Variants in FOXP2 observed in about 807,000 individuals in gnomAD.
The protein encoded by FOXP2 is forkhead box P2, also known as forkhead box protein P2.
FOXP2 carries 12 observed loss-of-function variants against 115.8 expected under a neutral mutation model. The ratio of observed to expected loss-of-function variants is 0.10; its 90% confidence interval spans 0.07 to 0.17. FOXP2 has a LOEUF of 0.17. FOXP2 is among the 10% of genes least tolerant of loss of function. The pLI is 1.00. For synonymous variants in FOXP2, 328 were observed against 297.7 expected, an observed-to-expected ratio of 1.10 and a Z score of -1.05; for missense variants, 629 against 843.5, an observed-to-expected ratio of 0.75 and a Z score of 3.15.
At chr7:114,528,466 T>C in intron 2 of FOXP2, among the ~76,000 whole-genome samples, 1 of 152,184 alleles carries the variant, frequency 6.6e-6, no homozygotes, top group East Asian at 1.9e-4. Context: ...TCCACAAGTG[T>C]GCAGTGCTTT....
At chr7:114,142,631 A>G (rs908986778) in intron 1 of FOXP2, among the ~76,000 whole-genome samples, 6 of 152,080 alleles carry the variant, frequency 3.9e-5, no homozygotes, top group African/African-American at 1.4e-4. Flanking sequence ...ATTGGTTGGC[A>G]TTTGCCATAT....
chr7:114,352,414 G>T (rs1791515397), intron 2 of FOXP2, among the ~76,000 whole-genome samples: 1 of 152,188 alleles, frequency 6.6e-6, no homozygotes, highest in Non-Finnish European at 1.5e-5. Flanking sequence ...GATTAATCCA[G>T]AGGCAGCATC....
intron 2 of FOXP2, among the ~76,000 whole-genome samples, chr7:114,434,755 AT>A (rs967687903): frequency 1.3e-5 from 2 of 152,146 alleles, no homozygotes; most frequent in Non-Finnish European, 2.9e-5. Context: ...AATACTTTCC[AT>A]AAATATATAT....
At chr7:114,120,686 G>GTA (rs1315430957) in intron 1 of FOXP2, among the ~76,000 whole-genome samples, 18 of 143,352 alleles carry the variant, frequency 1.3e-4, no homozygotes, top group African/African-American at 4.9e-4. Flanking sequence ...GTGTGTGTGT[G>GTA]TGTGTATATG....
In FOXP2 at chr7:114,254,613, G is replaced by A. The variant is rs143822886; in HGVS notation, c.-101-33406G>A. 1.7e-3 allele frequency among the ~76,000 whole-genome samples: 264 copies of A among 152,086 alleles called. 1 individual carries two copies. Among genetic ancestry groups the A allele is most frequent in the South Asian group, 0.011 (55 of 4,820 alleles). ...CTACTGAAGCTTGGGCATTCGTCACGTAGTTCTAGTGCCATGGTTTTCAGC... is the reference window on the plus strand; with the variant it reads ...CTACTGAAGCTTGGGCATTCGTCACATAGTTCTAGTGCCATGGTTTTCAGC... On this transcript the variant is annotated intron_variant, in intron 1 of 17. Transcript: ENST00000634411.
chr7:114,228,765 A>G (rs780797631), intron 1 of FOXP2, among the ~76,000 whole-genome samples: 12 of 151,484 alleles, frequency 7.9e-5, no homozygotes, highest in Middle Eastern at 3.2e-3. Flanking sequence ...ACAAAATAAA[A>G]TGAGAAAGGA....
intron 16 of FOXP2, among the ~76,000 whole-genome samples, chr7:114,676,836 TTA>T (rs1807795580): frequency 1.3e-5 from 2 of 152,158 alleles, no homozygotes; most frequent in Admixed American, 1.3e-4. Flanking sequence ...TAGTCTTGCT[TTA>T]TAGATGTTTG....
chr7:114,239,755 GA>G (rs937704803), intron 1 of FOXP2, among the ~76,000 whole-genome samples: 2 of 151,938 alleles, frequency 1.3e-5, no homozygotes, highest in Non-Finnish European at 2.9e-5. Flanking sequence ...AAAGAAATGA[GA>G]AAAAAAATCT....
intron 2 of FOXP2, among the ~76,000 whole-genome samples, chr7:114,319,398 C>T (rs1376119919): frequency 6.6e-6 from 1 of 152,152 alleles, no homozygotes; most frequent in Non-Finnish European, 1.5e-5. Flanking sequence ...AGTATTTTTC[C>T]ATTTTCACAG....
intron 2 of FOXP2, among the ~76,000 whole-genome samples, chr7:114,308,078 C>G (rs1234777224): frequency 6.6e-6 from 1 of 152,132 alleles, no homozygotes; most frequent in Non-Finnish European, 1.5e-5. Context: ...TGCTTTCACT[C>G]CATAGCCACA....
chr7:114,544,582 G>A (rs1249038061), intron 3 of FOXP2, among the ~76,000 whole-genome samples: 3 of 152,148 alleles, frequency 2.0e-5, no homozygotes, highest in Non-Finnish European at 2.9e-5. Context: ...ATCTTCTACT[G>A]CTAGTGCTAC....
chr7:114,255,841 A>G (rs1191303768), intron 1 of FOXP2, among the ~76,000 whole-genome samples: 5 of 152,052 alleles, frequency 3.3e-5, no homozygotes, highest in African/African-American at 4.8e-5. Context: ...TGAACCCAGT[A>G]CCTCAGTTGG....
At chr7:114,215,246 G>C (rs1794456630) in intron 1 of FOXP2, among the ~76,000 whole-genome samples, 1 of 152,024 alleles carries the variant, frequency 6.6e-6, no homozygotes, top group African/African-American at 2.4e-5. Context: ...GAAGGAAATG[G>C]TTATTACCCA....
At chr7:114,528,644 C>T (rs1798988877) in intron 2 of FOXP2, among the ~76,000 whole-genome samples, 1 of 151,912 alleles carries the variant, frequency 6.6e-6, no homozygotes, top group African/African-American at 2.4e-5. Flanking sequence ...TTTACATTTA[C>T]ATATTGTAGT....
At chr7:114,265,311 A>G (rs1562844178) in intron 1 of FOXP2, among the ~76,000 whole-genome samples, 1 of 152,196 alleles carries the variant, frequency 6.6e-6, no homozygotes, top group Admixed American at 6.5e-5. Flanking sequence ...AAGGGGCTAC[A>G]GGTCTCAGGT....
intron 2 of FOXP2, among the ~76,000 whole-genome samples, chr7:114,305,932 ATAAATACTGTCCCTTGGGCACAAG>A (rs373641227): frequency 0.33 from 49,541 of 151,794 alleles, 9,896 homozygotes; most frequent in Admixed American, 0.44. Context: ...TTAACCACTT[ATAAATACTGTCCCTTGGGCACAAG>A]GGGAGAGTCA....
intron 1 of FOXP2, among the ~76,000 whole-genome samples, chr7:114,219,877 A>G (rs1794578050): frequency 6.7e-6 from 1 of 149,606 alleles, no homozygotes; most frequent in Non-Finnish European, 1.5e-5. Context: ...TGTTTTTTCT[A>G]ATGGAGTTTC....
At chr7:114,507,206 C>A (rs557459579) in intron 2 of FOXP2, among the ~76,000 whole-genome samples, 1 of 151,644 alleles carries the variant, frequency 6.6e-6, no homozygotes, top group African/African-American at 2.4e-5. Flanking sequence ...ACTAAGAAGC[C>A]GTGTATCTAA....
chr7:114,664,064 G>A (rs908671130), intron 15 of FOXP2, among the ~76,000 whole-genome samples: 6 of 152,096 alleles, frequency 3.9e-5, no homozygotes, highest in African/African-American at 1.4e-4. Context: ...TTTGCTGCAA[G>A]GACGATTGTT....
Sources: gnomAD v4.1 joint callset for allele counts (sites outside exome capture counted in the v4.1 genomes callset) on GRCh38, gnomAD v4.1.1 for gene constraint, MANE v1.5 for transcripts, NCBI Gene and HGNC (gene_info 2026-07-23, HGNC 2026-07-21) for gene names.